F5: variants seen among roughly 807,000 people sequenced by gnomAD.
The protein encoded by F5 is activated protein c cofactor.
Under a neutral mutation model 216.4 loss-of-function variants are expected in F5, and 138 were observed. The observed-to-expected ratio is 0.64, with a 90% CI of 0.56 to 0.73. The LOEUF is 0.73. Ranked by LOEUF, F5 falls within the 30% of genes least tolerant of loss-of-function variation. F5 has a pLI of 0.00. For missense variants in F5, 2,403 were observed against 2,674.0 expected (o/e 0.90, Z 2.24); for synonymous variants, 916 against 930.7 (o/e 0.98, Z 0.29).
At position 169,520,509 on chromosome 1, in the gene F5, T is replaced by C. The variant is rs759234999; in HGVS notation, c.6193+11A>G. The C allele has an allele frequency of 1.2e-6, 2 of 1,613,938 alleles. No individual in the cohort carries two copies. Among genetic ancestry groups the C allele is most frequent in the Non-Finnish European group, 1.7e-6 (2 of 1,179,874 alleles). On this transcript the variant is annotated intron_variant, in intron 22 of 24. Transcript: ENST00000367797. The stretch of plus-strand genomic sequence containing the variant: ...GTGGCAGTGAGAAAATAATGCATCT[T>C]TGTACCTTACCATTTACCTCACAAC...
intron 20 of F5, 97 bp from the exon 21 acceptor site, chr1:169,523,449 A>C (rs1398544861): frequency 4.3e-6 from 6 of 1,401,296 alleles, no homozygotes; most frequent in Non-Finnish European, 6.0e-6. Context: ...AGAACTAAAG[A>C]GCTAGCACAT....
In F5 at chr1:169,542,612, C is replaced by G. The variant is rs766402580; in HGVS notation, c.2478G>C (p.Glu826Asp). The G allele has an allele frequency of 9.9e-6, 16 of 1,614,054 alleles. No homozygotes were observed. The highest frequency in any genetic ancestry group is 1.3e-5 in the Non-Finnish European group (15 of 1,179,988). The change falls in exon 13 of 25, where the codon GAG (glutamate) becomes GAC (aspartate). Residue 826 changes from glutamate (E) to aspartate (D), a missense_variant. Glu to Asp is a conservative substitution (Grantham distance 45). Transcript: ENST00000367797. ...GGTCTTCAGAATATGGGCTGGAATG[C>G]TCTGCTGTGGAAGAATTGAGAACTG... ...KNSVLNSSTA[E>D]HSSPYSEDPI...
intron 10 of F5, among the ~76,000 whole-genome samples, chr1:169,549,577 GT>G (rs1016949313): frequency 1.4e-5 from 2 of 140,994 alleles, no homozygotes; most frequent in African/African-American, 5.1e-5. Flanking sequence ...GACAAAATAT[GT>G]TATCACACTC....
rs964383386 is a variant in F5, at chr1:169,555,488, A to T, written c.953-141T>A. 7.2e-6 allele frequency: 7 copies of T among 966,006 alleles called. No individual in the cohort carries two copies. The African/African-American group carries it at 1.1e-4, about 16-fold the overall frequency. 59.8% of individuals were successfully genotyped at this position (966,006 alleles called of 1,614,324 possible). A position where few individuals can be genotyped will look rare whatever the true frequency, so the allele number is the denominator to read the frequency against. On this transcript the variant is annotated intron_variant, in intron 6 of 24. Coordinates refer to ENST00000367797, the MANE Select transcript of F5 (RefSeq NM_000130.5). ...AGTAATGCTCAGGCAATTTTTGAAC[A>T]TTTTAGTTTGGAACTCTTTAAGTGG...
At position 169,539,376 on chromosome 1, in the gene F5, A is replaced by T. The variant is rs115536735; in HGVS notation, c.4796+918T>A. Among the ~76,000 whole-genome samples, 96 of 152,168 alleles carry T rather than the reference A, an allele frequency of 6.3e-4. 1 individual carries two copies. The highest frequency in any genetic ancestry group is 2.3e-3 in the African/African-American group (95 of 41,458). ...GGGTTGTGAGCCTTGAATGGAATACAAGATTTTGAAGGTGGTTCCATCCCT... is the reference window on the plus strand; with the variant it reads ...GGGTTGTGAGCCTTGAATGGAATACTAGATTTTGAAGGTGGTTCCATCCCT... On this transcript the variant is annotated intron_variant, in intron 13 of 24. Coordinates refer to ENST00000367797, the MANE Select transcript of F5 (RefSeq NM_000130.5).
At chr1:169,557,700 C>T (rs1245614268) in intron 5 of F5, among the ~76,000 whole-genome samples, 2 of 151,734 alleles carry the variant, frequency 1.3e-5, no homozygotes, top group African/African-American at 2.4e-5. Flanking sequence ...TCACTAGATA[C>T]TAGATAATGG....
intron 3 of F5, 105 bp from the exon 4 acceptor site, chr1:169,560,871 A>T: frequency 1.1e-6 from 1 of 905,222 alleles, no homozygotes; most frequent in Non-Finnish European, 1.8e-6. Context: ...GGAGATGCAT[A>T]TGTCCTTCAA....
intron 2 of F5, among the ~76,000 whole-genome samples, chr1:169,575,890 G>T (rs4656695): frequency 0.28 from 41,832 of 151,986 alleles, 6,072 homozygotes; most frequent in South Asian, 0.36. Flanking sequence ...GTGTATCTAT[G>T]ATTAAGAATC....
rs759668002 is a variant in F5 at position 169,560,744 on chromosome 1, T to C, written c.396A>G (p.Thr132=). The C allele has an allele frequency of 6.2e-7, 1 of 1,612,392 alleles. No individual in the cohort carries two copies. Among genetic ancestry groups the C allele is most frequent in the Non-Finnish European group, 8.5e-7 (1 of 1,179,602 alleles). Residue 132 remains threonine, a synonymous_variant, in exon 4 of 25, where the codon ACA becomes ACG. Transcript: ENST00000367797. ...CGTCGTCCATCTTCTCCGCAGGGAATGTGTGGTCAAGGTAAGAAGCACCTG... is the reference window on the plus strand; with the variant it reads ...CGTCGTCCATCTTCTCCGCAGGGAACGTGTGGTCAAGGTAAGAAGCACCTG... ...LSEGASYLDH[T]FPAEKMDDAV...
At chr1:169,525,641 T>C (rs995949689) in intron 18 of F5, among the ~76,000 whole-genome samples, 2 of 152,210 alleles carry the variant, frequency 1.3e-5, no homozygotes, top group African/African-American at 4.8e-5. Flanking sequence ...AAATTTCTTA[T>C]ATGCACTTGT....
chr1:169,574,968 A>G (rs1488665006), intron 2 of F5, among the ~76,000 whole-genome samples: 1 of 152,240 alleles, frequency 6.6e-6, no homozygotes, highest in African/African-American at 2.4e-5. Flanking sequence ...ATAAAAGTCA[A>G]ACATTTTTAT....
intron 3 of F5, among the ~76,000 whole-genome samples, chr1:169,562,206 G>A (rs573489239): frequency 2.0e-5 from 3 of 152,170 alleles, no homozygotes; most frequent in East Asian, 1.9e-4. Flanking sequence ...ATGCCCTCTG[G>A]GCCCAGACAA....
At chr1:169,572,109 T>G (rs1660737717) in intron 3 of F5, 112 bp downstream of exon 3, 1 of 1,172,004 alleles carries the variant, frequency 8.5e-7, no homozygotes, top group African/African-American at 1.5e-5. Flanking sequence ...AATTACCAGT[T>G]GCAAGAGATT....
chr1:169,525,976 A>G lies in F5; in HGVS notation c.5641T>C (p.Trp1881Arg), dbSNP rs1659436920. 1 of 1,613,344 alleles carries G rather than the reference A, an allele frequency of 6.2e-7. No homozygotes were observed. Among genetic ancestry groups the G allele is most frequent in the South Asian group, 1.1e-5 (1 of 91,070 alleles). Residue 1881 changes from tryptophan (W) to arginine (R), a missense_variant, in exon 18 of 25, where the codon TGG becomes CGG. Around this residue, in one of 4 missense-constraint regions of F5, gnomAD observed 659 missense variants for 787.9 expected, o/e 0.84. Coordinates refer to ENST00000367797, the MANE Select transcript of F5 (RefSeq NM_000130.5). ...TLEMKASKPGWWLLNTEVGEN... is the reference protein window; with the variant it reads ...TLEMKASKPGRWLLNTEVGEN... ...CCAACCTCTGTGTTTAGGAGCCACC[A>G]GCCAGGTTTTGATGCCTTCATTTCA...
At chr1:169,568,765 C>G (rs1660664638) in intron 3 of F5, among the ~76,000 whole-genome samples, 1 of 152,048 alleles carries the variant, frequency 6.6e-6, no homozygotes, top group Admixed American at 6.6e-5. Flanking sequence ...TTGCCAAAGG[C>G]TCTCAGTATT....
At chr1:169,563,818 T>C (rs1201108664) in intron 3 of F5, among the ~76,000 whole-genome samples, 3 of 151,432 alleles carry the variant, frequency 2.0e-5, no homozygotes, top group African/African-American at 7.3e-5. Context: ...AGATTTATGA[T>C]AGCTGTCTTA....
At position 169,586,261 on chromosome 1, in the gene F5, A is replaced by G. The variant is rs912347769; in HGVS notation, c.126T>C (p.Ser42=). Residue 42 remains serine, a synonymous_variant, in exon 1 of 25, where the codon AGT becomes AGC. Coordinates refer to ENST00000367797, the MANE Select transcript of F5 (RefSeq NM_000130.5). ...RQFYVAAQGI[S]WSYRPEPTNS... The stretch of plus-strand genomic sequence containing the variant: ...TTGTGGGCTCAGGTCGGTAGCTCCA[A>G]CTGATGCCCTGAGCAGCCACGTAGA... 2 of 1,614,070 alleles carry G rather than the reference A, an allele frequency of 1.2e-6. No individual in the cohort carries two copies. The highest frequency in any genetic ancestry group is 2.7e-5 in the African/African-American group (2 of 74,938).
intron 13 of F5, among the ~76,000 whole-genome samples, chr1:169,538,857 C>T (rs1351841321): frequency 1.3e-5 from 2 of 152,048 alleles, no homozygotes; most frequent in Admixed American, 6.6e-5. Context: ...TGATGGTGAA[C>T]ATTCTGTGTC....
At chr1:169,552,156 C>T (rs939726446) in intron 8 of F5, among the ~76,000 whole-genome samples, 1 of 152,160 alleles carries the variant, frequency 6.6e-6, no homozygotes, top group Non-Finnish European at 1.5e-5. Context: ...ATCTTAACAT[C>T]AGGATAAATG....
Sources: allele counts gnomAD v4.1 joint callset (sites outside exome capture counted in the v4.1 genomes callset), GRCh38; gene constraint gnomAD v4.1.1; regional missense constraint gnomAD v4.1.1; transcripts MANE v1.5; gene names NCBI Gene and HGNC (gene_info 2026-07-23, HGNC 2026-07-21).